Variants in ANKRD11 observed in about 807,000 individuals in gnomAD.
ANKRD11 encodes ankyrin repeat domain-containing protein 11.
In ANKRD11, 17 loss-of-function variants were observed where a neutral mutation model predicts 195.7. The observed-to-expected ratio is 0.09, with a 90% confidence interval of 0.06 to 0.13. The LOEUF (loss-of-function observed/expected upper bound fraction) is 0.13. Ranked by LOEUF, ANKRD11 falls within the 10% of genes least tolerant of loss-of-function variation. ANKRD11 has a pLI of 1.00. For missense variants in ANKRD11, 3,735 were observed against 3,566.1 expected, an observed-to-expected ratio of 1.05 and a Z score of -1.21; for synonymous variants, 1,953 against 1,528.1, an observed-to-expected ratio of 1.28 and a Z score of -6.49.
chr16:89,280,722 G>A lies in ANKRD11; in HGVS notation c.5820C>T (p.Ser1940=), dbSNP rs368770538. ...YLEPLDEGPF[S]AVITEEPVEW... ...CAACGGGCTCCTCGGTGATGACGGC[G>A]CTGAAGGGACCCTCGTCCAGCGGCT... The change falls in exon 9 of 13, where the codon AGC becomes AGT. Residue 1940 remains serine, a synonymous_variant. Coordinates refer to ENST00000301030, the MANE Select transcript of ANKRD11 (RefSeq NM_013275.6). The A allele has an allele frequency of 3.4e-5, 55 of 1,613,338 alleles. No homozygotes were observed. The highest frequency in any genetic ancestry group is 3.9e-5 in the Non-Finnish European group (46 of 1,179,932).
intron 2 of ANKRD11, among the ~76,000 whole-genome samples, chr16:89,406,901 G>A (rs548838721): frequency 2.6e-5 from 4 of 152,198 alleles, no homozygotes; most frequent in Non-Finnish European, 5.9e-5. Flanking sequence ...ACATCAGGCC[G>A]GACGTGGTGG....
chr16:89,392,402 G>C (rs1231110438), intron 2 of ANKRD11: 1 of 152,176 alleles, frequency 6.6e-6, no homozygotes, highest in Non-Finnish European at 1.5e-5. Flanking sequence ...GTTTAAGTTA[G>C]ATTTTCACCC....
At chr16:89,433,573 G>C (rs562308424) in intron 1 of ANKRD11, among the ~76,000 whole-genome samples, 21 of 152,334 alleles carry the variant, frequency 1.4e-4, no homozygotes, top group Non-Finnish European at 2.5e-4. Flanking sequence ...AGGGTTGGAC[G>C]TGGGGGCTGG....
chr16:89,277,266 G>C (rs981529211), intron 9 of ANKRD11, among the ~76,000 whole-genome samples: 1 of 152,100 alleles, frequency 6.6e-6, no homozygotes, highest in Non-Finnish European at 1.5e-5. Flanking sequence ...CCCAGGACCC[G>C]GCACCACCCC....
chr16:89,334,899 C>T (rs2038267781), intron 2 of ANKRD11, among the ~76,000 whole-genome samples: 1 of 152,096 alleles, frequency 6.6e-6, no homozygotes, highest in Non-Finnish European at 1.5e-5. Context: ...TCTGCTGTGG[C>T]CTTCTGCATG....
intron 1 of ANKRD11, among the ~76,000 whole-genome samples, chr16:89,467,308 G>A (rs1194013063): frequency 6.6e-6 from 1 of 152,104 alleles, no homozygotes; most frequent in East Asian, 1.9e-4. Flanking sequence ...TGGGTATGGT[G>A]GCACGCACCT....
At chr16:89,368,053 C>T (rs754557048) in intron 2 of ANKRD11, among the ~76,000 whole-genome samples, 1 of 152,152 alleles carries the variant, frequency 6.6e-6, no homozygotes, top group Non-Finnish European at 1.5e-5. Context: ...AACTGCTGTG[C>T]TCCGTTTATC....
intron 1 of ANKRD11, among the ~76,000 whole-genome samples, chr16:89,467,300 G>C (rs1303961349): frequency 6.6e-6 from 1 of 152,104 alleles, no homozygotes; most frequent in East Asian, 1.9e-4. Flanking sequence ...TAGCTGGCTG[G>C]GTATGGTGGC....
chr16:89,475,065 T>A (rs74622129), intron 1 of ANKRD11, among the ~76,000 whole-genome samples: 3,842 of 152,260 alleles, frequency 0.025, 105 homozygotes, highest in East Asian at 0.15. Context: ...CTTCCACAAT[T>A]CAGGGCAATC....
intron 2 of ANKRD11, among the ~76,000 whole-genome samples, chr16:89,359,342 C>T (rs928150746): frequency 3.9e-5 from 6 of 152,166 alleles, no homozygotes; most frequent in African/African-American, 9.7e-5. Context: ...CTCAATCGCA[C>T]GTACAGCCCT....
At position 89,280,258 on chromosome 16, in the gene ANKRD11, A is replaced by C. The variant is rs938667477; in HGVS notation, c.6284T>G (p.Leu2095Arg). ...CAGGAAGCTATTTTCCAGGGGCCCC[A>C]GAGCCTCCACCTGAGCCACAGCGGC... ...CVAAVAQVEA[L>R]GPLENSFLDG... Residue 2095 changes from leucine (L) to arginine (R), a missense_variant, in exon 9 of 13, where the codon CTG (leucine) becomes CGG (arginine). Coordinates refer to ENST00000301030, the MANE Select transcript of ANKRD11 (RefSeq NM_013275.6). 9.3e-6 allele frequency: 15 copies of C among 1,608,836 alleles called. No individual in the cohort carries two copies. Among genetic ancestry groups the C allele is most frequent in the Admixed American group, 1.7e-5 (1 of 59,948 alleles).
At chr16:89,382,803 C>G (rs1489886385) in intron 2 of ANKRD11, among the ~76,000 whole-genome samples, 1 of 152,158 alleles carries the variant, frequency 6.6e-6, no homozygotes, top group Non-Finnish European at 1.5e-5. Flanking sequence ...TAACCACCAC[C>G]TTGACATCAT....
chr16:89,350,410 C>T (rs914657107), intron 2 of ANKRD11, among the ~76,000 whole-genome samples: 5 of 152,136 alleles, frequency 3.3e-5, no homozygotes, highest in African/African-American at 1.2e-4. Flanking sequence ...AACTAGGAAA[C>T]AACGGACATG....
chr16:89,428,296 C>A (rs145575890), intron 1 of ANKRD11, among the ~76,000 whole-genome samples: 1 of 151,318 alleles, frequency 6.6e-6, no homozygotes, highest in African/African-American at 2.4e-5. Context: ...GAGGCCAAGG[C>A]GGGCAGATCA....
At chr16:89,307,503 G>A (rs1335573322) in intron 3 of ANKRD11, among the ~76,000 whole-genome samples, 2 of 152,180 alleles carry the variant, frequency 1.3e-5, no homozygotes, top group Non-Finnish European at 2.9e-5. Flanking sequence ...AGTGAGACAC[G>A]GGGACAGGAG....
chr16:89,381,235 G>C (rs185328646), intron 2 of ANKRD11, among the ~76,000 whole-genome samples: 1 of 151,712 alleles, frequency 6.6e-6, no homozygotes, highest in Admixed American at 6.6e-5. Flanking sequence ...GGGAGGCTGA[G>C]GCAGGAGAAT....
chr16:89,268,535 G>A lies in ANKRD11; in HGVS notation c.7935C>T (p.Pro2645=), dbSNP rs1280621065. The A allele has an allele frequency of 1.6e-5, 23 of 1,470,452 alleles. No homozygotes were observed. Among genetic ancestry groups the A allele is most frequent in the African/African-American group, 5.7e-5 (4 of 70,754 alleles). The allele number at this position is 1,470,452 out of a possible 1,614,324, so 91.1% of individuals were successfully genotyped here. A position where few individuals can be genotyped will look rare whatever the true frequency, so the allele number is the denominator to read the frequency against. Reference sequence around the variant, plus strand: ...CGTCGACCATGGGCACGTAGAAGGAGGGCACCTCGTTCACGCACAGGGACT... The same window carrying A: ...CGTCGACCATGGGCACGTAGAAGGAAGGCACCTCGTTCACGCACAGGGACT... ...GHKSLCVNEV[P]SFYVPMVDVN... The change falls in exon 13 of 13, where the codon CCC becomes CCT. Residue 2645 remains proline, a synonymous_variant. Transcript: ENST00000301030.
chr16:89,478,203 G>A (rs2057322062), intron 1 of ANKRD11, among the ~76,000 whole-genome samples: 1 of 152,178 alleles, frequency 6.6e-6, no homozygotes, highest in South Asian at 2.1e-4. Context: ...AGCACACACA[G>A]GCCTCTGGGG....
chr16:89,352,613 T>C (rs1480951362), intron 2 of ANKRD11, among the ~76,000 whole-genome samples: 2 of 152,190 alleles, frequency 1.3e-5, no homozygotes, highest in Non-Finnish European at 2.9e-5. Context: ...CACACTGTGG[T>C]AGATCTTTGA....
Sources: allele counts gnomAD v4.1 joint callset (sites outside exome capture counted in the v4.1 genomes callset), GRCh38; gene constraint gnomAD v4.1.1; transcripts MANE v1.5; gene names NCBI Gene and HGNC (gene_info 2026-07-23, HGNC 2026-07-21).